ABCB1: variants seen among roughly 807,000 people sequenced by gnomAD.
ABCB1 encodes the protein ATP binding cassette subfamily B member 1, also known as ATP-dependent translocase ABCB1.
Under a neutral mutation model 142.0 loss-of-function variants are expected in ABCB1, and 69 were observed. The observed-to-expected ratio is 0.49, with a 90% confidence interval of 0.40 to 0.59. ABCB1 has a LOEUF of 0.59. Ranked by LOEUF, ABCB1 falls within the 20% of genes least tolerant of loss-of-function variation. The pLI is 0.00. For missense variants in ABCB1, 1,326 were observed against 1,554.7 expected (o/e 0.85, Z 2.47); for synonymous variants, 532 against 539.2 (o/e 0.99, Z 0.18).
chr7:87,541,295 T>C (rs1324712601), intron 18 of ABCB1, 62 bp downstream of exon 18: 2 of 1,115,184 alleles, frequency 1.8e-6, no homozygotes, highest in East Asian at 4.7e-5. Flanking sequence ...TGTTTATAAA[T>C]CCCCCCAGTT....
intron 17 of ABCB1, among the ~76,000 whole-genome samples, chr7:87,542,832 C>T (rs957203032): frequency 7.9e-5 from 12 of 152,268 alleles, no homozygotes; most frequent in African/African-American, 2.9e-4. Context: ...TTGTGTACTA[C>T]TAGGTCAGAG....
chr7:87,673,549 A>G (rs567083553), intron 1 of ABCB1, among the ~76,000 whole-genome samples: 11 of 152,294 alleles, frequency 7.2e-5, no homozygotes, highest in African/African-American at 2.6e-4. Flanking sequence ...CGAAGTGTGC[A>G]TGTCTATCAG....
In ABCB1 at chr7:87,525,500, C is replaced by T. The variant is rs995680306; in HGVS notation, c.2686-4624G>A. ...AGCCTGCTGTCAACCAGAAGTCTTA[C>T]CAATAACATAAACAGTCAATTAACA... On this transcript the variant is annotated intron_variant, in intron 21 of 27. Coordinates refer to ENST00000622132, the MANE Select transcript of ABCB1 (RefSeq NM_001348946.2). 3.3e-5 allele frequency among the ~76,000 whole-genome samples: 5 copies of T among 151,988 alleles called. No homozygotes were observed. In the South Asian group the frequency reaches 8.3e-4, roughly 25 times the overall value.
At chr7:87,637,037 G>C (rs889528858) in intron 1 of ABCB1, among the ~76,000 whole-genome samples, 4 of 152,098 alleles carry the variant, frequency 2.6e-5, no homozygotes, top group African/African-American at 9.7e-5. Context: ...CAGCTCTCGT[G>C]AGCTCTTACT....
chr7:87,509,513 G>A (rs747669868), intron 25 of ABCB1, 32 bp from the exon 26 acceptor site: 1 of 1,600,754 alleles, frequency 6.2e-7, no homozygotes, highest in South Asian at 1.1e-5. Context: ...TCAACTTCAG[G>A]ACCAGCACAC....
intron 4 of ABCB1, among the ~76,000 whole-genome samples, chr7:87,572,869 G>A (rs1436149729): frequency 7.4e-6 from 1 of 135,588 alleles, no homozygotes; most frequent in East Asian, 2.5e-4. Context: ...CACACAGAGG[G>A]AAACAACACA....
At chr7:87,692,452 G>A (rs1828104649) in intron 1 of ABCB1, among the ~76,000 whole-genome samples, 1 of 152,152 alleles carries the variant, frequency 6.6e-6, no homozygotes, top group African/African-American at 2.4e-5. Flanking sequence ...GTGAGAACCT[G>A]TCTCTTAAAC....
chr7:87,504,436 G>A lies in ABCB1; in HGVS notation c.3650C>T (p.Ala1217Val), dbSNP rs1814629078. ...GCGGCCTTCTCTGGCTTTGTCCAGG[G>A]CTTCTTGGACAACCTATTCCATAAT... ...DTESEKVVQE[A>V]LDKAREGRTC... Residue 1217 changes from alanine (A) to valine (V), a missense_variant, in exon 28 of 28, where the codon GCC becomes GTC. Ala to Val is a moderately conservative substitution (Grantham distance 64, BLOSUM62 0). Transcript: ENST00000622132. 6.2e-7 allele frequency: 1 copy of A among 1,613,960 alleles called. No homozygotes were observed. Among genetic ancestry groups the A allele is most frequent in the Non-Finnish European group, 8.5e-7 (1 of 1,179,960 alleles).
At chr7:87,527,853 A>C (rs929530639) in intron 21 of ABCB1, among the ~76,000 whole-genome samples, 7 of 152,154 alleles carry the variant, frequency 4.6e-5, no homozygotes, top group Non-Finnish European at 7.4e-5. Flanking sequence ...TTTATGATTT[A>C]ACACTATGTA....
chr7:87,525,073 T>C (rs893245335), intron 21 of ABCB1, among the ~76,000 whole-genome samples: 1 of 152,150 alleles, frequency 6.6e-6, no homozygotes, highest in African/African-American at 2.4e-5. Context: ...TTCAGGACTG[T>C]CTTCATCTTG....
intron 1 of ABCB1, among the ~76,000 whole-genome samples, chr7:87,692,228 A>C (rs1828080946): frequency 6.6e-6 from 1 of 152,108 alleles, no homozygotes; most frequent in South Asian, 2.1e-4. Context: ...CGGCAGGATA[A>C]TCCATTGAGC....
At chr7:87,637,730 A>G (rs1021381097) in intron 1 of ABCB1, among the ~76,000 whole-genome samples, 51 of 152,046 alleles carry the variant, frequency 3.4e-4, no homozygotes, top group African/African-American at 1.2e-3. Flanking sequence ...TGGTATATCG[A>G]TATAAATTTG....
At chr7:87,517,318 G>A (rs1044148569) in intron 23 of ABCB1, among the ~76,000 whole-genome samples, 1 of 151,988 alleles carries the variant, frequency 6.6e-6, no homozygotes, top group Non-Finnish European at 1.5e-5. Flanking sequence ...TGACTCAGGG[G>A]GCCTTATATG....
At chr7:87,531,565 G>T in intron 20 of ABCB1, 68 bp from the exon 21 acceptor site, 1 of 1,440,570 alleles carries the variant, frequency 6.9e-7, no homozygotes, top group Non-Finnish European at 9.6e-7. Context: ...TCTATTTTCT[G>T]AAAACTCACC....
At chr7:87,709,013 A>T (rs893368685) in intron 1 of ABCB1, among the ~76,000 whole-genome samples, 15 of 152,066 alleles carry the variant, frequency 9.9e-5, no homozygotes, top group Non-Finnish European at 1.5e-5. Context: ...AAGTTGTTCT[A>T]CTTCTTGGCC....
chr7:87,636,755 C>G (rs775275574), intron 1 of ABCB1, among the ~76,000 whole-genome samples: 28 of 152,056 alleles, frequency 1.8e-4, no homozygotes, highest in Non-Finnish European at 3.5e-4. Flanking sequence ...AAATATTTCC[C>G]TTAAGGAAAA....
chr7:87,573,678 T>C (rs1818149518), intron 4 of ABCB1, among the ~76,000 whole-genome samples: 1 of 152,158 alleles, frequency 6.6e-6, no homozygotes, highest in East Asian at 1.9e-4. Context: ...CCATGATACA[T>C]CATATTAGTT....
At chr7:87,586,815 A>G (rs1227427575) in intron 3 of ABCB1, among the ~76,000 whole-genome samples, 1 of 152,212 alleles carries the variant, frequency 6.6e-6, no homozygotes, top group Non-Finnish European at 1.5e-5. Context: ...ATTACCAGTA[A>G]TGAATGGCAG....
At chr7:87,539,144 G>T in intron 19 of ABCB1, 124 bp downstream of exon 19, 1 of 1,033,752 alleles carries the variant, frequency 9.7e-7, no homozygotes, top group South Asian at 1.3e-5. Flanking sequence ...TCTGACGTGA[G>T]ACTGAGGGAC....
Sources: allele counts gnomAD v4.1 joint callset (sites outside exome capture counted in the v4.1 genomes callset), GRCh38; gene constraint gnomAD v4.1.1; transcripts MANE v1.5; gene names NCBI Gene and HGNC (gene_info 2026-07-23, HGNC 2026-07-21).